NSMCE2: variants seen among roughly 807,000 people sequenced by gnomAD.
The protein encoded by NSMCE2 is NSE2 SUMO ligase component of SMC5/6 complex.
A neutral mutation model predicts 23.8 loss-of-function variants in NSMCE2; 24 were observed. The observed-to-expected ratio is 1.01, with a 90% CI of 0.73 to 1.42. The LOEUF (loss-of-function observed/expected upper bound fraction) is 1.42. Ranked by LOEUF, NSMCE2 falls within the 40% of genes most tolerant of loss-of-function variation. The pLI is 0.00. For synonymous variants in NSMCE2, 92 were observed against 94.1 expected (o/e 0.98, Z 0.13); for missense variants, 284 against 296.5 (o/e 0.96, Z 0.31).
rs114025440 is a variant in NSMCE2, at chr8:125,140,547, C to T, written c.158-10624C>T. Among the ~76,000 whole-genome samples, 1,349 of 152,082 alleles carry T rather than the reference C, an allele frequency of 8.9e-3. 21 individuals are homozygous for T. The highest frequency in any genetic ancestry group is 0.03 in the African/African-American group (1,248 of 41,454). ...GCGTGGTAGTGGGTGCCTGTAATCC[C>T]AGCTACTCAGGAGGCTGAGGTTCAA... On this transcript the variant is annotated intron_variant, in intron 3 of 7. Coordinates refer to ENST00000287437, the MANE Select transcript of NSMCE2 (RefSeq NM_173685.4).
chr8:125,334,689 A>G (rs1180937776), intron 5 of NSMCE2, among the ~76,000 whole-genome samples: 1 of 150,432 alleles, frequency 6.6e-6, no homozygotes, highest in Non-Finnish European at 1.5e-5. Context: ...TGAGGCGGTT[A>G]GAGCTCAGAG....
At chr8:125,246,060 T>C (rs578073066) in intron 5 of NSMCE2, among the ~76,000 whole-genome samples, 108 of 152,256 alleles carry the variant, frequency 7.1e-4, no homozygotes, top group Admixed American at 1.2e-3. Flanking sequence ...AAGAGGTATA[T>C]AACCATAGAC....
chr8:125,284,182 T>G (rs1353773384), intron 5 of NSMCE2, among the ~76,000 whole-genome samples: 1 of 132,926 alleles, frequency 7.5e-6, no homozygotes, highest in Non-Finnish European at 1.6e-5. Flanking sequence ...ATGACTCAAG[T>G]AAACATTTAG....
At chr8:125,361,032 T>G (rs577750484) in intron 7 of NSMCE2, among the ~76,000 whole-genome samples, 10 of 152,130 alleles carry the variant, frequency 6.6e-5, no homozygotes, top group South Asian at 2.1e-4. Context: ...ATAAGCCTAT[T>G]TATTCTCTTA....
At chr8:125,224,782 A>G (rs1825023595) in intron 5 of NSMCE2, among the ~76,000 whole-genome samples, 1 of 152,206 alleles carries the variant, frequency 6.6e-6, no homozygotes, top group South Asian at 2.1e-4. Context: ...AGAGGAGGAT[A>G]TTGAGGCTCA....
intron 5 of NSMCE2, among the ~76,000 whole-genome samples, chr8:125,227,554 A>G (rs1825149397): frequency 6.8e-6 from 1 of 147,232 alleles, no homozygotes; most frequent in African/African-American, 2.7e-5. Flanking sequence ...CCAGTTTTTA[A>G]TTACATCATC....
At chr8:125,311,087 T>C (rs1828956935) in intron 5 of NSMCE2, among the ~76,000 whole-genome samples, 1 of 152,258 alleles carries the variant, frequency 6.6e-6, no homozygotes, top group Non-Finnish European at 1.5e-5. Context: ...GCTTTCAAAC[T>C]GTGTTTGTGT....
chr8:125,151,153 A>C lies in NSMCE2; in HGVS notation c.158-18A>C. 6 of 1,393,106 alleles carry C rather than the reference A, an allele frequency of 4.3e-6. No individual in the cohort carries two copies. The highest frequency in any genetic ancestry group is 6.1e-6 in the Non-Finnish European group (6 of 986,352). 86.3% of individuals were successfully genotyped at this position (1,393,106 alleles called of 1,614,324 possible). A position where few individuals can be genotyped will look rare whatever the true frequency, so the allele number is the denominator to read the frequency against. On this transcript the variant is annotated intron_variant, in intron 3 of 7. Transcript: ENST00000287437. ...ATTTTAAATGGAAAATAATAATTGC[A>C]ATTTTTTTTTCTTTCAGCTGAAGTG...
intron 3 of NSMCE2, among the ~76,000 whole-genome samples, chr8:125,115,541 A>G (rs1031380807): frequency 1.3e-5 from 2 of 152,220 alleles, no homozygotes; most frequent in East Asian, 3.9e-4. Flanking sequence ...ACCTGAAGTC[A>G]GGAGTTCAAG....
intron 5 of NSMCE2, among the ~76,000 whole-genome samples, chr8:125,354,941 A>C (rs759953271): frequency 3.3e-5 from 5 of 152,212 alleles, no homozygotes; most frequent in African/African-American, 7.2e-5. Context: ...ATCTGGCCTC[A>C]TGCAACAAGT....
intron 3 of NSMCE2, among the ~76,000 whole-genome samples, chr8:125,138,393 T>G (rs1586494773): frequency 6.6e-6 from 1 of 151,980 alleles, no homozygotes; most frequent in African/African-American, 2.4e-5. Context: ...GCCTGGCTGA[T>G]TTTTTTATTT....
intron 4 of NSMCE2, among the ~76,000 whole-genome samples, chr8:125,174,898 A>G (rs1822402804): frequency 6.6e-6 from 1 of 152,212 alleles, no homozygotes; most frequent in South Asian, 2.1e-4. Context: ...ATTTGGTCCA[A>G]TAGAGTTCAG....
At chr8:125,254,605 A>AT (rs34565896) in intron 5 of NSMCE2, among the ~76,000 whole-genome samples, 29,867 of 148,082 alleles carry the variant, frequency 0.2, 3,485 homozygotes, top group African/African-American at 0.33. Flanking sequence ...TTTACCTCAG[A>AT]TTTTTTTTTT....
chr8:125,362,700 C>T (rs908106297), intron 7 of NSMCE2, among the ~76,000 whole-genome samples: 1 of 152,214 alleles, frequency 6.6e-6, no homozygotes, highest in Non-Finnish European at 1.5e-5. Flanking sequence ...CATTCTTGAG[C>T]CTGCAATTCT....
At chr8:125,217,328 T>A (rs4477044) in intron 5 of NSMCE2, among the ~76,000 whole-genome samples, 13,335 of 151,742 alleles carry the variant, frequency 0.088, 692 homozygotes, top group South Asian at 0.16. Flanking sequence ...ATCACTTTTT[T>A]AAAAAATTTT....
intron 5 of NSMCE2, among the ~76,000 whole-genome samples, chr8:125,260,885 A>G (rs947303440): frequency 6.6e-6 from 1 of 151,988 alleles, no homozygotes; most frequent in Non-Finnish European, 1.5e-5. Context: ...TGGCCTCTCA[A>G]AGTGCTAGGA....
At chr8:125,157,989 A>G (rs72720550) in intron 4 of NSMCE2, among the ~76,000 whole-genome samples, 10,095 of 152,312 alleles carry the variant, frequency 0.066, 432 homozygotes, top group South Asian at 0.15. Context: ...GCTTTTATGC[A>G]ATGTGATTCT....
intron 5 of NSMCE2, among the ~76,000 whole-genome samples, chr8:125,223,596 A>C (rs1224483839): frequency 6.6e-6 from 1 of 152,136 alleles, no homozygotes; most frequent in East Asian, 1.9e-4. Context: ...CCCACGAACA[A>C]TGTACCAGGG....
chr8:125,164,320 A>C (rs1309482881), intron 4 of NSMCE2, among the ~76,000 whole-genome samples: 1 of 152,204 alleles, frequency 6.6e-6, no homozygotes, highest in Non-Finnish European at 1.5e-5. Context: ...CTTGAACCTC[A>C]GTGTTTTGAC....
Sources: allele counts gnomAD v4.1 joint callset (sites outside exome capture counted in the v4.1 genomes callset), GRCh38; gene constraint gnomAD v4.1.1; transcripts MANE v1.5; gene names NCBI Gene and HGNC (gene_info 2026-07-23, HGNC 2026-07-21).